SLC30A6: variants seen among roughly 807,000 people sequenced by gnomAD.
SLC30A6 encodes the protein zinc transporter 6.
In SLC30A6, 55 loss-of-function variants were observed where a neutral mutation model predicts 63.0. The observed-to-expected ratio is 0.87, with a 90% CI of 0.70 to 1.09. The LOEUF is 1.09. Among genes scored for constraint, SLC30A6 ranks in the 50% least tolerant of loss-of-function variants. The probability of loss-of-function intolerance (pLI) is 0.00; values close to 1 mark genes in which losing one functional copy is unlikely to be tolerated. For synonymous variants in SLC30A6, 224 were observed against 186.1 expected (o/e 1.20, Z -1.66); for missense variants, 587 against 549.2 (o/e 1.07, Z -0.69).
At chr2:32,203,755 T>G in intron 10 of SLC30A6, 2 of 1,513,474 alleles carry the variant, frequency 1.3e-6, no homozygotes, top group Non-Finnish European at 1.8e-6. Context: ...TGATTCCGAC[T>G]GGATATTCTC....
At chr2:32,202,244 C>T (rs1684354064) in intron 10 of SLC30A6, 1 of 748,264 alleles carries the variant, frequency 1.3e-6, no homozygotes. Flanking sequence ...GATTTAATAG[C>T]TCAAGCACAG....
At chr2:32,213,668 A>C (rs532071216) in intron 13 of SLC30A6, among the ~76,000 whole-genome samples, 14 of 152,282 alleles carry the variant, frequency 9.2e-5, no homozygotes, top group Admixed American at 4.6e-4. Context: ...ATCTTGCAAG[A>C]ATCCCAACAT....
At chr2:32,191,972 G>GTGT (rs762328555) in intron 5 of SLC30A6, among the ~76,000 whole-genome samples, 18 of 151,938 alleles carry the variant, frequency 1.2e-4, no homozygotes, top group Non-Finnish European at 2.2e-4. Context: ...GGTCAATTAA[G>GTGT]TGTTATTATT....
At chr2:32,204,477 T>G (rs1456024879) in intron 10 of SLC30A6, 113 bp from the exon 11 acceptor site, 4 of 511,570 alleles carry the variant, frequency 7.8e-6, no homozygotes, top group Non-Finnish European at 1.3e-5. Flanking sequence ...TGTGATAAAA[T>G]TGTGTCCTGT....
intron 8 of SLC30A6, among the ~76,000 whole-genome samples, chr2:32,197,055 C>T (rs1683856341): frequency 1.3e-5 from 2 of 152,120 alleles, no homozygotes; most frequent in Admixed American, 6.5e-5. Context: ...AGCAAAACTC[C>T]ATCTCAAAAG....
intron 5 of SLC30A6, 139 bp downstream of exon 5, chr2:32,184,477 T>C: frequency 2.2e-6 from 1 of 451,756 alleles, no homozygotes; most frequent in African/African-American, 2.1e-5. Context: ...ATAGTGAAAA[T>C]AGATAGGCTG....
intron 13 of SLC30A6, chr2:32,214,474 A>G (rs1312728226): frequency 1.3e-5 from 2 of 152,028 alleles, no homozygotes; most frequent in Non-Finnish European, 2.9e-5. Flanking sequence ...GGAACGCTTC[A>G]TGAATTTGCA....
chr2:32,194,028 T>G (rs756724416), intron 8 of SLC30A6, 45 bp downstream of exon 8: 2 of 1,485,674 alleles, frequency 1.3e-6, no homozygotes, highest in East Asian at 4.6e-5. Flanking sequence ...AACTAATCTC[T>G]CATAAAAACA....
chr2:32,180,722 C>T (rs1222055674), intron 4 of SLC30A6, among the ~76,000 whole-genome samples: 1 of 152,126 alleles, frequency 6.6e-6, no homozygotes, highest in African/African-American at 2.4e-5. Flanking sequence ...CGTGAACCAC[C>T]GCGCTCAGCC....
chr2:32,176,975 G>GA (rs1453279120), intron 4 of SLC30A6, among the ~76,000 whole-genome samples: 3 of 151,674 alleles, frequency 2.0e-5, no homozygotes, highest in African/African-American at 4.8e-5. Flanking sequence ...GTGTCGCCAT[G>GA]TTGGCCAGGC....
chr2:32,194,347 A>G lies in SLC30A6; in HGVS notation c.496+364A>G, dbSNP rs139318071. On this transcript the variant is annotated intron_variant, in intron 8 of 13. Coordinates refer to ENST00000282587, the MANE Select transcript of SLC30A6 (RefSeq NM_017964.5). The stretch of plus-strand genomic sequence containing the variant: ...ACTTAGAATTCTTAGTTGATATGCT[A>G]ATTGAAAATAATTGTATTCTGTTAA... Among the ~76,000 whole-genome samples, 268 of 152,338 alleles carry G rather than the reference A, an allele frequency of 1.8e-3. 3 individuals are homozygous for G. Among genetic ancestry groups the G allele is most frequent in the African/African-American group, 6.2e-3 (257 of 41,588 alleles).
At chr2:32,171,973 C>T (rs551682176) in intron 2 of SLC30A6, among the ~76,000 whole-genome samples, 36 of 152,202 alleles carry the variant, frequency 2.4e-4, no homozygotes, top group African/African-American at 8.4e-4. Context: ...GGATTACAGG[C>T]GTGAACCACC....
intron 11 of SLC30A6, among the ~76,000 whole-genome samples, chr2:32,206,107 C>T (rs996273163): frequency 3.3e-5 from 5 of 152,060 alleles, no homozygotes; most frequent in African/African-American, 7.2e-5. Flanking sequence ...TTAAATGACA[C>T]ATTGCTACTT....
chr2:32,172,562 C>T (rs973808643), intron 2 of SLC30A6, among the ~76,000 whole-genome samples: 22 of 152,174 alleles, frequency 1.4e-4, no homozygotes, highest in African/African-American at 5.1e-4. Context: ...CTCCCCTTCC[C>T]TCTGTCTTAA....
chr2:32,179,072 C>T (rs13029716), intron 4 of SLC30A6, among the ~76,000 whole-genome samples: 16,935 of 152,060 alleles, frequency 0.11, 974 homozygotes, highest in Middle Eastern at 0.21. Flanking sequence ...GTTGCCCAGG[C>T]AAGTCACAAA....
chr2:32,204,697 G>T lies in SLC30A6; in HGVS notation c.768+5G>T. 1 of 1,582,788 alleles carries T rather than the reference G, an allele frequency of 6.3e-7. No individual in the cohort carries two copies. On this transcript the variant is annotated splice_donor_5th_base_variant and intron_variant, in intron 11 of 13. Transcript: ENST00000282587. ...AGTGGGAAAGTCTTACTCCAGGTAA[G>T]GTGCTTCTTCCAATGCACGTGCTTA...
chr2:32,207,967 G>T (rs994332903), intron 12 of SLC30A6, among the ~76,000 whole-genome samples: 3 of 151,730 alleles, frequency 2.0e-5, no homozygotes, highest in Non-Finnish European at 4.4e-5. Context: ...CAAAGTGCTG[G>T]GGTTACAGGC....
intron 7 of SLC30A6, among the ~76,000 whole-genome samples, chr2:32,193,474 A>G (rs1450293624): frequency 1.3e-5 from 2 of 152,178 alleles, no homozygotes; most frequent in East Asian, 3.8e-4. Flanking sequence ...ATATATATGA[A>G]AAGAGAATTG....
chr2:32,167,324 C>T (rs929144124), intron 1 of SLC30A6, among the ~76,000 whole-genome samples: 1 of 145,332 alleles, frequency 6.9e-6, no homozygotes, highest in Admixed American at 6.9e-5. Context: ...ATCCTCCCGC[C>T]TCTGCCTCCC....
Sources: gnomAD v4.1 joint callset for allele counts (sites outside exome capture counted in the v4.1 genomes callset) on GRCh38, gnomAD v4.1.1 for gene constraint, MANE v1.5 for transcripts, NCBI Gene and HGNC (gene_info 2026-07-23, HGNC 2026-07-21) for gene names.